The following RCCD1 variants were observed in gnomAD, a reference collection of about 807,000 sequenced individuals.
RCCD1 encodes the protein RCC1 domain containing 1.
RCCD1 carries 40 observed loss-of-function variants against 37.6 expected under a neutral mutation model. The observed-to-expected ratio is 1.06, with a 90% confidence interval of 0.83 to 1.39. The LOEUF is 1.39. RCCD1 is among the 40% of genes most tolerant of loss of function. RCCD1 has a pLI of 0.00. For synonymous variants in RCCD1, 263 were observed against 230.0 expected (o/e 1.14, Z -1.30); for missense variants, 577 against 517.3 (o/e 1.12, Z -1.12).
At position 90,957,621 on chromosome 15, in the gene RCCD1, A is replaced by G. The variant is rs755459994; in HGVS notation, c.575A>G (p.His192Arg). 6.2e-6 allele frequency: 10 copies of G among 1,614,036 alleles called. No individual in the cohort carries two copies. Among genetic ancestry groups the G allele is most frequent in the Admixed American group, 1.7e-5 (1 of 60,002 alleles). The change falls in exon 4 of 8, where the codon CAT becomes CGT. Residue 192 changes from histidine (H) to arginine (R), a missense_variant. By Grantham distance (29) the His-to-Arg change is conservative (BLOSUM62 0). Transcript: ENST00000394258. The stretch of plus-strand genomic sequence containing the variant: ...TTGCTCAGGCATGGACAGCTGGGCC[A>G]TGGGACCCTGGAGGCAGAGCTGGAG... ...WGGGRHGQLG[H>R]GTLEAELEPR... is the part of the protein sequence containing the mutation.
intron 7 of RCCD1, chr15:90,961,357 G>A: frequency 3.4e-6 from 2 of 581,284 alleles, no homozygotes; most frequent in Non-Finnish European, 3.1e-6. Flanking sequence ...ACTGGGTGGA[G>A]AAAAAGATTC....
chr15:90,956,744 G>C lies in RCCD1; in HGVS notation c.10G>C (p.Glu4Gln). 4.6e-6 allele frequency: 6 copies of C among 1,317,328 alleles called. No individual in the cohort carries two copies. Among genetic ancestry groups the C allele is most frequent in the East Asian group, 2.9e-5 (1 of 35,054 alleles). 81.6% of individuals were successfully genotyped at this position (1,317,328 alleles called of 1,614,324 possible). MAE[E>Q]RPGAWFGFGF... is the part of the protein sequence containing the mutation. ...AGGGCGCTGCTCGGGCATGGCGGAG[G>C]AGCGGCCGGGGGCCTGGTTCGGCTT... is the stretch of plus-strand genomic sequence containing the variant. The change falls in exon 2 of 8, where the codon GAG becomes CAG. Residue 4 changes from glutamate to glutamine, a missense_variant. Physicochemically the swap from Glu to Gln is conservative, Grantham distance 29. Transcript: ENST00000394258.
Position 90,957,692 on chromosome 15 carries a change from G to T in RCCD1, c.646G>T (p.Ala216Ser). The T allele has an allele frequency of 6.2e-7, 1 of 1,613,086 alleles. No individual in the cohort carries two copies. Among genetic ancestry groups the T allele is most frequent in the Non-Finnish European group, 8.5e-7 (1 of 1,179,490 alleles). The change falls in exon 4 of 8, where the codon GCC (alanine) becomes TCC (serine). Residue 216 changes from alanine (A) to serine (S), a missense_variant. By Grantham distance (99) the Ala-to-Ser change is moderately conservative. Coordinates refer to ENST00000394258, the MANE Select transcript of RCCD1 (RefSeq NM_001017919.2). Reference protein sequence around the residue: ...ALQGLVMAEVAAGGWHSVCVS... With the variant: ...ALQGLVMAEVSAGGWHSVCVS... Reference sequence around the variant, plus strand: ...GCAGGGCCTAGTCATGGCTGAGGTGGCCGCGGGGGGCTGGCATTCTGTGTG... The same window carrying T: ...GCAGGGCCTAGTCATGGCTGAGGTGTCCGCGGGGGGCTGGCATTCTGTGTG...
intron 1 of RCCD1, chr15:90,955,837 A>T (rs567028248): frequency 6.6e-6 from 1 of 152,038 alleles, no homozygotes; most frequent in South Asian, 2.1e-4. Flanking sequence ...CTGGCAGAGG[A>T]GGAGCGCTCA....
rs758531241 is a variant in RCCD1, at chr15:90,961,028, C to T, written c.953C>T (p.Thr318Ile). The T allele has an allele frequency of 1.2e-5, 19 of 1,613,648 alleles. No individual in the cohort carries two copies. The South Asian group carries it at 2.1e-4, about 18-fold the overall frequency. The change falls in exon 7 of 8, where the codon ACA (threonine) becomes ATA (isoleucine). Residue 318 changes from threonine to isoleucine, a missense_variant. By Grantham distance (89) the Thr-to-Ile change is moderately conservative. Transcript: ENST00000394258. ...TCGATTGTCCTTTTGCTTTCAGGAA[C>T]AGGGGAGCTCTACACCTGGGGCTGG... ...GSRHTAVVTR[T>I]GELYTWGWGK...
intron 4 of RCCD1, among the ~76,000 whole-genome samples, chr15:90,957,971 C>A (rs182613573): frequency 1.3e-5 from 2 of 152,342 alleles, no homozygotes; most frequent in East Asian, 3.9e-4. Context: ...CCCTCCCCTC[C>A]TCTCCCCACC....
rs2037325134 is a variant in RCCD1, at chr15:90,961,984, A to C, written c.*215A>C. On this transcript the variant is annotated 3_prime_UTR_variant, in exon 8 of 8. Coordinates refer to ENST00000394258, the MANE Select transcript of RCCD1 (RefSeq NM_001017919.2). ...AGGTCAGCATCAATCAAAACAATGA[A>C]ATCAATGAAACAATGAAACCAGAGC... is the stretch of plus-strand genomic sequence containing the variant. 1.4e-5 allele frequency: 5 copies of C among 367,530 alleles called. No homozygotes were observed. The highest frequency in any genetic ancestry group is 7.1e-4 in the Middle Eastern group (1 of 1,406). 22.8% of individuals were successfully genotyped at this position (367,530 alleles called of 1,614,324 possible).
At position 90,957,343 on chromosome 15, in the gene RCCD1, A is replaced by T. The variant is rs921162121; in HGVS notation, c.397A>T (p.Arg133Trp). 4 of 1,546,322 alleles carry T rather than the reference A, an allele frequency of 2.6e-6. No individual in the cohort carries two copies. The highest frequency in any genetic ancestry group is 3.5e-6 in the Non-Finnish European group (4 of 1,145,494). The change falls in exon 3 of 8, where the codon AGG (arginine) becomes TGG (tryptophan). Residue 133 changes from arginine to tryptophan, a missense_variant. By Grantham distance (101) the Arg-to-Trp change is moderately radical. Coordinates refer to ENST00000394258, the MANE Select transcript of RCCD1 (RefSeq NM_001017919.2). ...TCCGGCCGGTGAGGCCCAGGCTGGG[A>T]GGCTACCCCTGCTGCCCTGCGCCCG... ...DDPAGEAQAG[R>W]LPLLPCARAY...
At chr15:90,958,938 A>G (rs2037258741) in intron 4 of RCCD1, among the ~76,000 whole-genome samples, 1 of 57,840 alleles carries the variant, frequency 1.7e-5, no homozygotes, top group Admixed American at 2.3e-4. Context: ...TGTCTGTCTA[A>G]AAAAAAAAAA....
In RCCD1 at chr15:90,959,975, A is replaced by G. The variant is rs766001525; in HGVS notation, c.755A>G (p.Asp252Gly). Residue 252 changes from aspartate to glycine, a missense_variant, in exon 5 of 8, where the codon GAT becomes GGT. By Grantham distance (94) the Asp-to-Gly change is moderately conservative. Transcript: ENST00000394258. ...LALPTRNLAE[D>G]GETVAREATE... The stretch of plus-strand genomic sequence containing the variant: ...CTGCCCACCAGGAACCTGGCAGAGG[A>G]TGGAGAGACTGTCGCAAGGGAAGGT... The G allele has an allele frequency of 1.2e-6, 2 of 1,613,514 alleles. No homozygotes were observed. The highest frequency in any genetic ancestry group is 1.7e-4 in the Middle Eastern group (1 of 5,844).
chr15:90,956,190 G>A (rs1222047502), intron 1 of RCCD1, among the ~76,000 whole-genome samples: 3 of 152,212 alleles, frequency 2.0e-5, no homozygotes, highest in Non-Finnish European at 4.4e-5. Flanking sequence ...GTTCCGCTGT[G>A]GGGAGAGGGG....
At chr15:90,959,661 C>A in intron 4 of RCCD1, 1 of 347,780 alleles carries the variant, frequency 2.9e-6, no homozygotes, top group South Asian at 9.6e-5. Context: ...GGCTATTTGG[C>A]AGCATAAGAA....
At chr15:90,959,798 C>A in intron 4 of RCCD1, 102 bp from the exon 5 acceptor site, 1 of 889,666 alleles carries the variant, frequency 1.1e-6, no homozygotes, top group Non-Finnish European at 1.7e-6. Flanking sequence ...TTGGGCAGGG[C>A]AGGCTTTAGT....
At chr15:90,960,819 A>G (rs2037299859) in intron 6 of RCCD1, 8 of 668,582 alleles carry the variant, frequency 1.2e-5, no homozygotes, top group Non-Finnish European at 2.2e-5. Context: ...GTAGCATGGC[A>G]CACAGGAAGA....
In RCCD1 at chr15:90,957,151, G is replaced by T; in HGVS notation, c.205G>T (p.Ala69Ser). 7.3e-7 allele frequency: 1 copy of T among 1,361,418 alleles called. No individual in the cohort carries two copies. The highest frequency in any genetic ancestry group is 9.4e-7 in the Non-Finnish European group (1 of 1,063,666). The allele number at this position is 1,361,418 out of a possible 1,614,324, so 84.3% of individuals were successfully genotyped here. The part of the protein sequence containing the change: ...RLELSGSASG[A>S]AGRCKDAWAS... ...GGAGCTGTCGGGCTCAGCCAGCGGCGCGGCGGGCCGCTGCAAGGACGCGTG... is the reference window on the plus strand; with the variant it reads ...GGAGCTGTCGGGCTCAGCCAGCGGCTCGGCGGGCCGCTGCAAGGACGCGTG... Residue 69 changes from alanine to serine, a missense_variant, in exon 3 of 8, where the codon GCG becomes TCG. Transcript: ENST00000394258.
At chr15:90,957,056 G>C (rs1005329196) in intron 2 of RCCD1, 57 bp from the exon 3 acceptor site, 242 of 1,281,736 alleles carry the variant, frequency 1.9e-4, no homozygotes, top group Middle Eastern at 2.9e-4. Flanking sequence ...GGAACACCCC[G>C]CTCCCCCCAT....
At chr15:90,957,802 G>A (rs958278678) in intron 4 of RCCD1, 77 bp downstream of exon 4, 12 of 1,520,568 alleles carry the variant, frequency 7.9e-6, no homozygotes, top group Non-Finnish European at 1.1e-5. Context: ...GTTTGGGTGG[G>A]GGCCTACCCA....
chr15:90,958,253 G>A (rs2037242763), intron 4 of RCCD1, among the ~76,000 whole-genome samples: 1 of 152,192 alleles, frequency 6.6e-6, no homozygotes. Context: ...GAGAGGGTGA[G>A]GCTGGGAACA....
At chr15:90,959,862 TCA>T (rs753344520) in intron 4 of RCCD1, 36 bp from the exon 5 acceptor site, 11 of 1,486,308 alleles carry the variant, frequency 7.4e-6, no homozygotes, top group South Asian at 4.7e-5. Flanking sequence ...TGCAGGGGCT[TCA>T]CAGTCTGTTT....
Sources: gnomAD v4.1 joint callset for allele counts (sites outside exome capture counted in the v4.1 genomes callset) on GRCh38, gnomAD v4.1.1 for gene constraint, MANE v1.5 for transcripts, NCBI Gene and HGNC (gene_info 2026-07-23, HGNC 2026-07-21) for gene names.